The following TENM1 variants were observed in gnomAD, a reference collection of about 807,000 sequenced individuals.
TENM1 encodes the protein teneurin transmembrane protein 1.
TENM1 carries 35 observed loss-of-function variants against 174.8 expected under a neutral mutation model. That is an observed-to-expected ratio of 0.20 (90% CI 0.15 to 0.27). The LOEUF (loss-of-function observed/expected upper bound fraction) is 0.27, where lower values mean the gene tolerates loss of function less well. TENM1 is among the 10% of genes least tolerant of loss of function. TENM1 has a pLI of 1.00. For missense variants in TENM1, 1,633 were observed against 2,130.1 expected (o/e 0.77, Z 4.59); for synonymous variants, 781 against 798.7 (o/e 0.98, Z 0.37).
At chrX:124,914,662 C>T (rs1376162714) in intron 1 of TENM1, among the ~76,000 whole-genome samples, 1 of 111,451 alleles carries the variant, frequency 9.0e-6, no homozygotes, top group Non-Finnish European at 1.9e-5. Context: ...AGGCATCCCC[C>T]ATACCATCAT....
rs145940116 is a variant in TENM1 at position 124,912,952 on chromosome X, T to C, written c.218-16711A>G. ...TATTCATATATAAAACTAAAATATA[T>C]ATCATCTACTGGTATATTAAAAATA... On this transcript the variant is annotated intron_variant, in intron 1 of 31. Transcript: ENST00000422452. 1.3e-4 allele frequency among the ~76,000 whole-genome samples: 14 copies of C among 111,418 alleles called. 1 individual carries two copies. In the East Asian group the frequency reaches 3.6e-3, roughly 29 times the overall value.
intron 25 of TENM1, among the ~76,000 whole-genome samples, chrX:124,418,861 A>G (rs1235719533): frequency 8.9e-6 from 1 of 112,106 alleles, no homozygotes; most frequent in Non-Finnish European, 1.9e-5. Context: ...TAGAAATTTT[A>G]TCTTTTCTAA....
chrX:124,635,134 T>C (rs961646598), intron 11 of TENM1, among the ~76,000 whole-genome samples: 9 of 111,812 alleles, frequency 8.0e-5, no homozygotes, highest in Non-Finnish European at 1.5e-4. Context: ...TAGTTCAATA[T>C]ACAGTATTAA....
chrX:125,197,203 A>G, the TENM1 span, among the ~76,000 whole-genome samples: 1 of 112,032 alleles, frequency 8.9e-6, no homozygotes, highest in Non-Finnish European at 1.9e-5. Context: ...AACTAAAAAC[A>G]CTAAGTCGAT....
At chrX:124,425,995 GGTGT>G (rs200141105) in intron 23 of TENM1, among the ~76,000 whole-genome samples, 6,250 of 87,846 alleles carry the variant, frequency 0.071, 201 homozygotes, top group African/African-American at 0.084. Context: ...CAAAAGGACT[GGTGT>G]GTGTGTGTGT....
At chrX:124,966,103 G>C (rs5956718), upstream of TENM1, among the ~76,000 whole-genome samples, 13,835 of 111,314 alleles carry the variant, frequency 0.12, 2,029 homozygotes, top group African/African-American at 0.43. Context: ...AAGGTATCCA[G>C]AATCCAACCA....
chrX:124,803,058 A>C (rs2055498355), intron 3 of TENM1, among the ~76,000 whole-genome samples: 2 of 112,029 alleles, frequency 1.8e-5, no homozygotes, highest in African/African-American at 6.5e-5. Flanking sequence ...ATACTACTGT[A>C]AACAAATTTT....
At chrX:124,501,782 A>G (rs2147993099) in intron 19 of TENM1, among the ~76,000 whole-genome samples, 1 of 111,273 alleles carries the variant, frequency 9.0e-6, no homozygotes, top group African/African-American at 3.3e-5. Context: ...CTGCCTCTAA[A>G]ACTGCCTTTG....
chrX:124,567,550 G>A lies in TENM1; in HGVS notation c.2078-1990C>T, dbSNP rs770523888. Among the ~76,000 whole-genome samples, 47 of 112,069 alleles carry A rather than the reference G, an allele frequency of 4.2e-4. 1 individual carries two copies. Among genetic ancestry groups the A allele is most frequent in the Non-Finnish European group, 5.6e-5 (3 of 53,215 alleles). On this transcript the variant is annotated intron_variant, in intron 11 of 31. Coordinates refer to ENST00000422452, the Ensembl canonical transcript of TENM1. ...TTCGTTGATGACTTTAGGAAGAGCT[G>A]TACTGATAAAGGTGTAGTTGAAAAG...
the TENM1 span, among the ~76,000 whole-genome samples, chrX:125,138,150 CCAGGA>C: frequency 9.0e-6 from 1 of 111,386 alleles, no homozygotes; most frequent in Non-Finnish European, 1.9e-5. Context: ...ATAAACACCT[CCAGGA>C]CATATGCATT....
chrX:125,138,295 G>A, the TENM1 span, among the ~76,000 whole-genome samples: 1 of 109,966 alleles, frequency 9.1e-6, no homozygotes, highest in Non-Finnish European at 1.9e-5. Flanking sequence ...CGGTGGATTA[G>A]TAAGTATTTT....
At chrX:125,017,870 G>A in the TENM1 span, among the ~76,000 whole-genome samples, 7 of 111,153 alleles carry the variant, frequency 6.3e-5, no homozygotes, top group Middle Eastern at 4.7e-3. Context: ...AGCCTATCAG[G>A]GGTTGGGGGC....
intron 6 of TENM1, among the ~76,000 whole-genome samples, chrX:124,656,107 T>A (rs774646021): frequency 1.3e-4 from 15 of 112,570 alleles, no homozygotes; most frequent in Admixed American, 1.1e-3. Flanking sequence ...CAATTCAAAA[T>A]GTTCTAGGTT....
intron 4 of TENM1, among the ~76,000 whole-genome samples, chrX:124,710,935 T>A (rs1006534389): frequency 8.9e-5 from 10 of 112,168 alleles, no homozygotes; most frequent in African/African-American, 3.2e-4. Flanking sequence ...GAAAGACAAA[T>A]GCTCAGTGCT....
intron 10 of TENM1, among the ~76,000 whole-genome samples, chrX:124,643,856 T>C (rs962969594): frequency 9.2e-6 from 1 of 108,501 alleles, no homozygotes; most frequent in Non-Finnish European, 1.9e-5. Context: ...AGATTACATG[T>C]TTTTCATGGC....
chrX:124,895,426 A>G (rs1161132546), intron 2 of TENM1, among the ~76,000 whole-genome samples: 1 of 110,526 alleles, frequency 9.0e-6, no homozygotes, highest in African/African-American at 3.4e-5. Flanking sequence ...TGATTATGAC[A>G]TAATGATACT....
At chrX:125,142,062 G>A in the TENM1 span, among the ~76,000 whole-genome samples, 1 of 112,153 alleles carries the variant, frequency 8.9e-6, no homozygotes, top group African/African-American at 3.2e-5. Context: ...AGGTTTTTCA[G>A]ATAGTAGATA....
the TENM1 span, among the ~76,000 whole-genome samples, chrX:125,050,670 T>C: frequency 4.7e-4 from 52 of 111,670 alleles, no homozygotes; most frequent in African/African-American, 1.6e-3. Flanking sequence ...CCTTTGGGTA[T>C]ATACCCAGTA....
chrX:125,076,311 G>C, the TENM1 span, among the ~76,000 whole-genome samples: 1 of 110,897 alleles, frequency 9.0e-6, no homozygotes, highest in Non-Finnish European at 1.9e-5. Flanking sequence ...TTGCTCTGTA[G>C]ATATTAATGT....
Sources: allele counts gnomAD v4.1 joint callset (sites outside exome capture counted in the v4.1 genomes callset), GRCh38; gene constraint gnomAD v4.1.1; transcripts MANE v1.5; gene names NCBI Gene and HGNC (gene_info 2026-07-23, HGNC 2026-07-21).